Variants in PPARGC1A observed in about 807,000 individuals in gnomAD.
The protein encoded by PPARGC1A is peroxisome proliferator-activated receptor gamma coactivator 1-alpha.
In PPARGC1A, 25 loss-of-function variants were observed where a neutral mutation model predicts 88.7. That is an observed-to-expected ratio of 0.28 (90% confidence interval 0.21 to 0.39). The LOEUF (loss-of-function observed/expected upper bound fraction) is 0.39, where lower values mean the gene tolerates loss of function less well. Ranked by LOEUF, PPARGC1A falls within the 10% of genes least tolerant of loss-of-function variation. The probability of loss-of-function intolerance (pLI) is 1.00; values close to 1 mark genes in which losing one functional copy is unlikely to be tolerated. For missense variants in PPARGC1A, 880 were observed against 968.7 expected (o/e 0.91, Z 1.22); for synonymous variants, 363 against 355.6 (o/e 1.02, Z -0.24).
chr4:24,393,080 T>C, the PPARGC1A span, among the ~76,000 whole-genome samples: 1 of 151,792 alleles, frequency 6.6e-6, no homozygotes, highest in Non-Finnish European at 1.5e-5. Flanking sequence ...GGCTTTACCT[T>C]ACCTTAGGGT....
At chr4:23,965,224 C>T in the PPARGC1A span, among the ~76,000 whole-genome samples, 1 of 152,168 alleles carries the variant, frequency 6.6e-6, no homozygotes, top group African/African-American at 2.4e-5. Context: ...AGAGATCACC[C>T]ATCCATAGCT....
At chr4:23,920,380 G>A in the PPARGC1A span, among the ~76,000 whole-genome samples, 1 of 152,008 alleles carries the variant, frequency 6.6e-6, no homozygotes, top group Non-Finnish European at 1.5e-5. Context: ...ATGAATCCAA[G>A]GTTAATATCT....
At chr4:24,125,766 A>T in the PPARGC1A span, among the ~76,000 whole-genome samples, 522 of 152,312 alleles carry the variant, frequency 3.4e-3, 2 homozygotes, top group Non-Finnish European at 5.8e-3. Context: ...TATTAAATTG[A>T]CTTATCTCTA....
the PPARGC1A span, among the ~76,000 whole-genome samples, chr4:24,007,796 A>G: frequency 1.3e-5 from 2 of 152,118 alleles, no homozygotes; most frequent in Non-Finnish European, 2.9e-5. Flanking sequence ...GATTAAAACC[A>G]GCATTCTGGA....
the PPARGC1A span, among the ~76,000 whole-genome samples, chr4:24,298,988 T>G: frequency 6.6e-6 from 1 of 152,276 alleles, no homozygotes; most frequent in Admixed American, 6.5e-5. Context: ...AGCAATATAA[T>G]GGCTAATAGG....
chr4:24,155,126 T>TG, the PPARGC1A span, among the ~76,000 whole-genome samples: 5 of 151,816 alleles, frequency 3.3e-5, no homozygotes, highest in Non-Finnish European at 5.9e-5. Context: ...GGTTTTGTTT[T>TG]TTTTTTTTTA....
the PPARGC1A span, among the ~76,000 whole-genome samples, chr4:24,308,354 G>A: frequency 6.6e-6 from 1 of 150,620 alleles, no homozygotes; most frequent in Admixed American, 6.6e-5. Context: ...AGTTTGGAAA[G>A]CATGTCTTCT....
the PPARGC1A span, among the ~76,000 whole-genome samples, chr4:24,421,832 C>T: frequency 6.6e-6 from 1 of 152,010 alleles, no homozygotes; most frequent in Non-Finnish European, 1.5e-5. Context: ...TCATTTTGTT[C>T]TTGTTATGTT....
the PPARGC1A span, among the ~76,000 whole-genome samples, chr4:24,039,600 T>A: frequency 1.3e-5 from 2 of 152,048 alleles, no homozygotes. Context: ...AGTGAGAACA[T>A]CTAGGATGAT....
chr4:24,254,739 T>C, the PPARGC1A span, among the ~76,000 whole-genome samples: 2 of 152,342 alleles, frequency 1.3e-5, no homozygotes, highest in South Asian at 4.1e-4. Flanking sequence ...CATATTGTGA[T>C]GAGAACATAA....
the PPARGC1A span, among the ~76,000 whole-genome samples, chr4:24,126,556 G>T: frequency 6.6e-6 from 1 of 152,236 alleles, no homozygotes; most frequent in East Asian, 1.9e-4. Flanking sequence ...AGAGAGGGAG[G>T]CAGGAACTAG....
At chr4:24,356,092 G>A in the PPARGC1A span, among the ~76,000 whole-genome samples, 1 of 151,952 alleles carries the variant, frequency 6.6e-6, no homozygotes, top group Admixed American at 6.6e-5. Flanking sequence ...AGCTACTCAG[G>A]AGGCTGAGAC....
chr4:24,189,942 GC>G, the PPARGC1A span, among the ~76,000 whole-genome samples: 1 of 152,102 alleles, frequency 6.6e-6, no homozygotes, highest in African/African-American at 2.4e-5. Context: ...ATGTGTGCAA[GC>G]CCTTGCCACT....
the PPARGC1A span, among the ~76,000 whole-genome samples, chr4:24,102,896 G>A: frequency 7.2e-5 from 11 of 152,142 alleles, no homozygotes; most frequent in South Asian, 2.1e-4. Flanking sequence ...ACAACACTGC[G>A]AATCAGGAGT....
the PPARGC1A span, among the ~76,000 whole-genome samples, chr4:23,975,244 T>G: frequency 2.6e-5 from 4 of 152,190 alleles, no homozygotes; most frequent in Non-Finnish European, 4.4e-5. Flanking sequence ...CTGGTAAATA[T>G]TTTTATTATC....
chr4:24,389,763 T>G, the PPARGC1A span, among the ~76,000 whole-genome samples: 1 of 152,106 alleles, frequency 6.6e-6, no homozygotes, highest in African/African-American at 2.4e-5. Flanking sequence ...TACAACTCTG[T>G]GAGACAGAGC....
chr4:24,341,953 C>A, the PPARGC1A span, among the ~76,000 whole-genome samples: 95 of 152,316 alleles, frequency 6.2e-4, no homozygotes, highest in African/African-American at 2.2e-3. Context: ...TCTGCTCATG[C>A]AGCCAGGAGC....
chr4:23,799,182 C>A (rs1000826985), intron 12 of PPARGC1A, among the ~76,000 whole-genome samples: 14 of 152,196 alleles, frequency 9.2e-5, no homozygotes, highest in African/African-American at 3.4e-4. Context: ...ATGGTGAGCA[C>A]AAGAATATTT....
chr4:24,341,598 G>A, the PPARGC1A span, among the ~76,000 whole-genome samples: 1 of 152,124 alleles, frequency 6.6e-6, no homozygotes, highest in East Asian at 1.9e-4. Context: ...ATTTGGATTC[G>A]GTTTGGGATA....
Sources: allele counts gnomAD v4.1 joint callset (sites outside exome capture counted in the v4.1 genomes callset), GRCh38; gene constraint gnomAD v4.1.1; transcripts MANE v1.5; gene names NCBI Gene and HGNC (gene_info 2026-07-23, HGNC 2026-07-21).